The following PIGQ variants were observed in gnomAD, a reference collection of about 807,000 sequenced individuals.
PIGQ encodes the protein phosphatidylinositol N-acetylglucosaminyltransferase subunit Q.
In PIGQ, 54 loss-of-function variants were observed where a neutral mutation model predicts 60.3. That is an observed-to-expected ratio of 0.90 (90% CI 0.72 to 1.12). The LOEUF (loss-of-function observed/expected upper bound fraction) is 1.12. PIGQ is among the 50% of genes most tolerant of loss of function. PIGQ has a pLI of 0.00. For missense variants in PIGQ, 799 were observed against 793.5 expected, an observed-to-expected ratio of 1.01 and a Z score of -0.08; for synonymous variants, 416 against 363.7, an observed-to-expected ratio of 1.14 and a Z score of -1.64.
chr16:582,912 G>A lies in PIGQ; in HGVS notation c.1623G>A (p.Val541=). The A allele has an allele frequency of 1.2e-6, 2 of 1,611,420 alleles. No homozygotes were observed. The highest frequency in any genetic ancestry group is 2.2e-5 in the East Asian group (1 of 44,846). ...QINPLPYSRV[V]HTYRLPSCGC... is the part of the protein sequence containing the mutation. ...ACCCACTGCCCTACAGCCGCGTGGT[G>A]CACACCTACCGCCTCCCCAGCTGTG... is the stretch of plus-strand genomic sequence containing the variant. Residue 541 remains valine (V), a synonymous_variant, in exon 11 of 11, where the codon GTG becomes GTA. Coordinates refer to ENST00000321878, the MANE Select transcript of PIGQ (RefSeq NM_004204.5).
At chr16:576,600 C>G (rs766814183) in intron 4 of PIGQ, 5 of 490,342 alleles carry the variant, frequency 1.0e-5, no homozygotes, top group African/African-American at 1.9e-5. Context: ...CTCTGGGGCC[C>G]TCTGCAGAGC....
At chr16:572,372 A>C (rs1479295405) in intron 1 of PIGQ, 1 of 384,774 alleles carries the variant, frequency 2.6e-6, no homozygotes, top group East Asian at 7.2e-5. Context: ...GCTAGAACCC[A>C]CCGCCTTGAG....
intron 2 of PIGQ, among the ~76,000 whole-genome samples, chr16:575,446 A>C (rs2035701309): frequency 6.6e-6 from 1 of 152,146 alleles, no homozygotes; most frequent in Non-Finnish European, 1.5e-5. Context: ...CCGGGGGTGC[A>C]TACTCTGGAA....
chr16:582,228 G>GGC lies in PIGQ; in HGVS notation c.1532-20_1532-19insGC. ...CCAGCCCCCACGCGTCCCCTCGTCAGCCGCTTGCTATCCTTGCAGCTGGCG... is the reference window on the plus strand; with the variant it reads ...CCAGCCCCCACGCGTCCCCTCGTCAGGCCCGCTTGCTATCCTTGCAGCTGGCG... On this transcript the variant is annotated intron_variant, in intron 9 of 10. Transcript: ENST00000321878. The GGC allele has an allele frequency of 6.5e-7, 1 of 1,532,466 alleles. No individual in the cohort carries two copies. The highest frequency in any genetic ancestry group is 8.8e-7 in the Non-Finnish European group (1 of 1,136,158). The allele number at this position is 1,532,466 out of a possible 1,614,324, so 94.9% of individuals were successfully genotyped here.
intron 9 of PIGQ, chr16:582,008 C>A (rs1355452749): frequency 6.8e-6 from 4 of 588,188 alleles, no homozygotes; most frequent in Non-Finnish European, 1.2e-5. Flanking sequence ...ATGATCCGCC[C>A]ACCTCCCAAA....
intron 1 of PIGQ, chr16:572,456 C>G (rs561811770): frequency 2.2e-6 from 1 of 453,430 alleles, no homozygotes; most frequent in Non-Finnish European, 4.4e-6. Context: ...CCTCTTAAGC[C>G]CCAGGCATTT....
rs775224982 is a variant in PIGQ, at chr16:574,428, C to T, written c.354C>T (p.Pro118=). 45 of 1,610,654 alleles carry T rather than the reference C, an allele frequency of 2.8e-5. No homozygotes were observed. Among genetic ancestry groups the T allele is most frequent in the African/African-American group, 6.7e-5 (5 of 74,924 alleles). Residue 118 remains proline, a synonymous_variant, in exon 2 of 11, where the codon CCC becomes CCT. Transcript: ENST00000321878. ...CCCACCGGCAAGCGCCCACTGCCCC[C>T]GGTGCCCCTGGTGAGGACCAGGTCA... ...EATHRQAPTA[P]GAPGEDQVML... is the part of the protein sequence containing the mutation.
intron 1 of PIGQ, chr16:570,536 G>A (rs2035602543): frequency 6.6e-6 from 1 of 152,220 alleles, no homozygotes; most frequent in African/African-American, 2.4e-5. Context: ...CGCGATCTCG[G>A]GTCACTGCAA....
intron 2 of PIGQ, 142 bp from the exon 3 acceptor site, chr16:575,697 G>T (rs1390764247): frequency 2.4e-6 from 2 of 832,012 alleles, no homozygotes; most frequent in Non-Finnish European, 3.8e-6. Context: ...CACCACCTGG[G>T]CCACCGAGGG....
chr16:574,198 C>T lies in PIGQ; in HGVS notation c.124C>T (p.Pro42Ser). 6.2e-7 allele frequency: 1 copy of T among 1,612,524 alleles called. No homozygotes were observed. The highest frequency in any genetic ancestry group is 8.5e-7 in the Non-Finnish European group (1 of 1,179,814). Residue 42 changes from proline (P) to serine (S), a missense_variant, in exon 2 of 11, where the codon CCC (proline) becomes TCC (serine). By Grantham distance (74) the Pro-to-Ser change is moderately conservative. Coordinates refer to ENST00000321878, the MANE Select transcript of PIGQ (RefSeq NM_004204.5). ...GGCGGTCCTGCACTTTCCCTTCATC[C>T]CCATCCAGGTCAAGCAGCTCCTGGC... Reference protein sequence around the residue: ...VLAVLHFPFIPIQVKQLLAQV... With the variant: ...VLAVLHFPFISIQVKQLLAQV...
Position 582,303 on chromosome 16 carries a change from G to C in PIGQ, c.1587G>C (p.Leu529=), listed in dbSNP as rs1383444247. The change falls in exon 10 of 11, where the codon CTG becomes CTC. Residue 529 remains leucine, a synonymous_variant. Coordinates refer to ENST00000321878, the MANE Select transcript of PIGQ (RefSeq NM_004204.5). ...RHEAGRPLRL[L]MQINPLPYSR... ...AGGCCGGCAGGCCCCTCCGCCTCCT[G>C]ATGCAGGTGAGGCCCCTTGTGGCCA... 3.8e-6 allele frequency: 6 copies of C among 1,599,146 alleles called. No individual in the cohort carries two copies. The highest frequency in any genetic ancestry group is 1.7e-5 in the Admixed American group (1 of 59,464).
At chr16:579,989 C>A (rs923252507) in intron 7 of PIGQ, 194 bp from the exon 8 acceptor site, 3 of 474,126 alleles carry the variant, frequency 6.3e-6, no homozygotes, top group Non-Finnish European at 1.1e-5. Context: ...TGTCTCCCTG[C>A]GAGTCCCCTA....
chr16:580,346 G>A (rs1007029128), intron 8 of PIGQ, 83 bp downstream of exon 8: 138 of 1,123,904 alleles, frequency 1.2e-4, no homozygotes, highest in Admixed American at 5.3e-4. Context: ...AGTCAGCTGT[G>A]GGGCGGGCTG....
chr16:577,703 C>A (rs912814802), intron 4 of PIGQ, among the ~76,000 whole-genome samples: 4 of 152,316 alleles, frequency 2.6e-5, no homozygotes, highest in African/African-American at 9.6e-5. Flanking sequence ...CACTCACTGT[C>A]TCCTTAGTGG....
At chr16:579,934 G>A (rs2035785992) in intron 7 of PIGQ, 1 of 386,562 alleles carries the variant, frequency 2.6e-6, no homozygotes. Flanking sequence ...CATGTTCTTG[G>A]TGACTGTGTG....
chr16:579,164 C>G lies in PIGQ; in HGVS notation c.1319C>G (p.Ser440Cys). The G allele has an allele frequency of 6.2e-7, 1 of 1,612,608 alleles. No individual in the cohort carries two copies. The highest frequency in any genetic ancestry group is 1.3e-5 in the African/African-American group (1 of 75,034). Residue 440 changes from serine (S) to cysteine (C), a missense_variant, in exon 7 of 11, where the codon TCC (serine) becomes TGC (cysteine). Ser to Cys is a moderately radical substitution (Grantham distance 112). Coordinates refer to ENST00000321878, the MANE Select transcript of PIGQ (RefSeq NM_004204.5). The stretch of plus-strand genomic sequence containing the variant: ...CTGCGCCAGCGCGTGGACTCCTGTT[C>G]CTATGACCTGGACCAGGTATGGGGC... ...NVLRQRVDSC[S>C]YDLDQLFIGT...
chr16:578,598 C>G, intron 5 of PIGQ, 93 bp downstream of exon 5: 1 of 1,476,742 alleles, frequency 6.8e-7, no homozygotes, highest in Non-Finnish European at 9.2e-7. Flanking sequence ...GCCCCCAACT[C>G]TGCTCCCCAG....
Position 574,777 on chromosome 16 carries a change from G to A in PIGQ, c.689+14G>A, listed in dbSNP as rs1259001514. ...CAGTGCCTGCCGGTAGGTGTCCCGG[G>A]ACAGGCAGGTGGCAAAGAGTGGGGT... On this transcript the variant is annotated intron_variant, in intron 2 of 10. Transcript: ENST00000321878. The A allele has an allele frequency of 2.6e-6, 4 of 1,535,372 alleles. No homozygotes were observed. The South Asian group carries it at 3.7e-5, about 14-fold the overall frequency.
At chr16:573,017 A>G (rs1024391830) in intron 1 of PIGQ, among the ~76,000 whole-genome samples, 1 of 152,236 alleles carries the variant, frequency 6.6e-6, no homozygotes, top group African/African-American at 2.4e-5. Flanking sequence ...GCCGGCCAGT[A>G]GTGCCCCCAC....
Sources: gnomAD v4.1 joint callset for allele counts (sites outside exome capture counted in the v4.1 genomes callset) on GRCh38, gnomAD v4.1.1 for gene constraint, MANE v1.5 for transcripts, NCBI Gene and HGNC (gene_info 2026-07-23, HGNC 2026-07-21) for gene names.